Variants in IL21R observed in about 807,000 individuals in gnomAD.
IL21R encodes interleukin-21 receptor.
A neutral mutation model predicts 41.3 loss-of-function variants in IL21R; 14 were observed. That is an observed-to-expected ratio of 0.34 (90% CI 0.22 to 0.53). The LOEUF is 0.53. Among genes scored for constraint, IL21R ranks in the 20% least tolerant of loss-of-function variants. The pLI, the probability that IL21R is intolerant of heterozygous loss-of-function variation, is 0.94. For missense variants in IL21R, 588 were observed against 681.6 expected, an observed-to-expected ratio of 0.86 and a Z score of 1.53; for synonymous variants, 286 against 287.6, an observed-to-expected ratio of 0.99 and a Z score of 0.05.
Position 27,443,024 on chromosome 16 carries a change from C to T in IL21R, c.415C>T (p.Arg139Cys), listed in dbSNP as rs146177564. 740 of 1,613,794 alleles carry T rather than the reference C, an allele frequency of 4.6e-4. 2 individuals carry two copies. The East Asian group carries it at 5.2e-3, about 11-fold the overall frequency. The change falls in exon 5 of 9, where the codon CGC (arginine) becomes TGC (cysteine). Residue 139 changes from arginine to cysteine, a missense_variant. Transcript: ENST00000337929. ...TFSGQYNISWRSDYEDPAFYM... is the reference protein window; with the variant it reads ...TFSGQYNISWCSDYEDPAFYM... ...CTCAGGACAGTATAATATCTCCTGGCGCTCAGATTACGAAGACCCTGCCTT... is the reference window on the plus strand; with the variant it reads ...CTCAGGACAGTATAATATCTCCTGGTGCTCAGATTACGAAGACCCTGCCTT...
At chr16:27,425,250 C>T (rs1017430635) in intron 1 of IL21R, among the ~76,000 whole-genome samples, 1 of 152,172 alleles carries the variant, frequency 6.6e-6, no homozygotes, top group African/African-American at 2.4e-5. Context: ...TGCTGTTGCC[C>T]TCAGGGGTCA....
At chr16:27,408,544 G>C (rs903828228) in intron 1 of IL21R, among the ~76,000 whole-genome samples, 4 of 152,198 alleles carry the variant, frequency 2.6e-5, no homozygotes, top group Non-Finnish European at 5.9e-5. Context: ...ATAGCAGGAA[G>C]GTCAGAGAGG....
intron 1 of IL21R, among the ~76,000 whole-genome samples, chr16:27,422,124 C>T (rs1178375853): frequency 6.6e-6 from 1 of 152,014 alleles, no homozygotes; most frequent in Non-Finnish European, 1.5e-5. Context: ...TGTCTGCTGT[C>T]TTCCATCATT....
chr16:27,414,836 T>A lies in IL21R; in HGVS notation c.-17+12218T>A, dbSNP rs185742467. Among the ~76,000 whole-genome samples the A allele has an allele frequency of 2.8e-4, 42 of 152,324 alleles. 1 individual carries two copies. The highest frequency in any genetic ancestry group is 1.2e-3 in the Admixed American group (18 of 15,300). ...GAAAATTCAAATTATGAAAAAACTA[T>A]GCATAAAGTTCAAACTTTTTTCTGC... On this transcript the variant is annotated intron_variant, in intron 1 of 8. Coordinates refer to ENST00000337929, the MANE Select transcript of IL21R (RefSeq NM_181078.3).
intron 4 of IL21R, among the ~76,000 whole-genome samples, chr16:27,442,201 T>G (rs568403711): frequency 1.3e-5 from 2 of 151,920 alleles, no homozygotes; most frequent in African/African-American, 4.8e-5. Flanking sequence ...TAGGCATGCG[T>G]TTGGGTGTGC....
In IL21R at chr16:27,451,093, A is replaced by T. The variant is rs1385946291; in HGVS notation, c.*1810A>T. On this transcript the variant is annotated 3_prime_UTR_variant, in exon 9 of 9. Coordinates refer to ENST00000337929, the MANE Select transcript of IL21R (RefSeq NM_181078.3). ...GACTTGGATGGGAGCACAAGAGTGG[A>T]AACACAGCTTCTGCACGGAGCAGGC... is the stretch of plus-strand genomic sequence containing the variant. 1 of 233,188 alleles carries T rather than the reference A, an allele frequency of 4.3e-6. No homozygotes were observed. 14.4% of individuals were successfully genotyped at this position (233,188 alleles called of 1,614,324 possible).
intron 1 of IL21R, among the ~76,000 whole-genome samples, chr16:27,420,360 A>C (rs6498026): frequency 0.35 from 53,790 of 152,096 alleles, 9,930 homozygotes; most frequent in South Asian, 0.52. Flanking sequence ...CTGTCATTGA[A>C]TGAAATATCA....
In IL21R at chr16:27,432,040, C is replaced by T. The variant is rs564686659; in HGVS notation, c.49+1920C>T. Among the ~76,000 whole-genome samples, 8 of 152,366 alleles carry T rather than the reference C, an allele frequency of 5.3e-5. No homozygotes were observed. The East Asian group carries it at 7.7e-4, about 15-fold the overall frequency. On this transcript the variant is annotated intron_variant, in intron 2 of 8. Transcript: ENST00000337929. ...GCAAAAAGGGTCTGAATGTTGGGTT[C>T]GTCCAGCCCTCTTATAGCATCAATA...
chr16:27,417,806 A>G (rs923638091), intron 1 of IL21R, among the ~76,000 whole-genome samples: 5 of 152,304 alleles, frequency 3.3e-5, no homozygotes, highest in Admixed American at 1.3e-4. Context: ...ACACCTGTGT[A>G]GGGCACTTAC....
rs188258882 is a variant in IL21R at position 27,446,118 on chromosome 16, C to T, written c.867+30C>T. ...GCTCCCGACCCTGTGATGAGCTCCT[C>T]GGAGCCCCTCCTCCTCTTCAGGAGC... On this transcript the variant is annotated intron_variant, in intron 8 of 8. Transcript: ENST00000337929. The T allele has an allele frequency of 1.7e-4, 266 of 1,585,558 alleles. 1 individual carries two copies. The East Asian group carries it at 4.9e-3, about 29-fold the overall frequency.
chr16:27,440,244 T>G (rs866788037), intron 4 of IL21R, among the ~76,000 whole-genome samples: 6,393 of 82,008 alleles, frequency 0.078, 205 homozygotes, highest in African/African-American at 0.12. Flanking sequence ...TATATATATA[T>G]ATATAGAGAG....
chr16:27,415,929 T>A (rs570082137), intron 1 of IL21R, among the ~76,000 whole-genome samples: 6 of 152,358 alleles, frequency 3.9e-5, no homozygotes, highest in African/African-American at 7.2e-5. Flanking sequence ...GTTTATTTTT[T>A]AATTGTTATC....
At chr16:27,431,097 G>C (rs1045132576) in intron 2 of IL21R, among the ~76,000 whole-genome samples, 3 of 152,210 alleles carry the variant, frequency 2.0e-5, no homozygotes, top group Non-Finnish European at 4.4e-5. Flanking sequence ...GCACAGACTT[G>C]TGTGGAGGCC....
rs572429161 is a variant in IL21R, at chr16:27,446,170, C to T, written c.867+82C>T. 13 of 1,130,208 alleles carry T rather than the reference C, an allele frequency of 1.2e-5. No individual in the cohort carries two copies. In the South Asian group the frequency reaches 1.7e-4, roughly 14 times the overall value. 70.0% of individuals were successfully genotyped at this position (1,130,208 alleles called of 1,614,324 possible). A position where few individuals can be genotyped will look rare whatever the true frequency, so the allele number is the denominator to read the frequency against. On this transcript the variant is annotated intron_variant, in intron 8 of 8. Transcript: ENST00000337929. Reference sequence around the variant, plus strand: ...CCACCTCCCCTCACCCCAGGCTCCCCAGCCTCACCCCACAGGCCTAGAGCA... The same window carrying T: ...CCACCTCCCCTCACCCCAGGCTCCCTAGCCTCACCCCACAGGCCTAGAGCA...
chr16:27,403,021 C>G, intron 1 of IL21R: 1 of 440,272 alleles, frequency 2.3e-6, no homozygotes, highest in Non-Finnish European at 4.6e-6. Flanking sequence ...GTTTCTATGT[C>G]TTACCACCTT....
chr16:27,445,286 G>A lies in IL21R; in HGVS notation c.785+10G>A. On this transcript the variant is annotated intron_variant, in intron 7 of 8. Coordinates refer to ENST00000337929, the MANE Select transcript of IL21R (RefSeq NM_181078.3). ...CCCATCCATTGTGGAGGTGAGGCCA[G>A]GGGATGAGGAAGGCAGGGAGGTGGT... The A allele has an allele frequency of 1.3e-6, 2 of 1,597,750 alleles. No individual in the cohort carries two copies. The highest frequency in any genetic ancestry group is 1.7e-6 in the Non-Finnish European group (2 of 1,165,328).
Position 27,430,132 on chromosome 16 carries a change from C to A in IL21R, c.49+12C>A. On this transcript the variant is annotated intron_variant, in intron 2 of 8. Transcript: ENST00000337929. ...GCTGCTCCAGGGAGGTAAGTGGCTG[C>A]CCCGTGGTCTGCGGGTGGGGAGGGC... 1.2e-6 allele frequency: 2 copies of A among 1,601,484 alleles called. No homozygotes were observed. The highest frequency in any genetic ancestry group is 1.7e-6 in the Non-Finnish European group (2 of 1,179,232).
At chr16:27,443,777 G>A (rs544394711) in intron 5 of IL21R, among the ~76,000 whole-genome samples, 3 of 139,200 alleles carry the variant, frequency 2.2e-5, no homozygotes, top group Non-Finnish European at 3.1e-5. Context: ...AGTGAGACTC[G>A]ATCTCAAAAA....
chr16:27,414,164 T>C (rs1221827738), intron 1 of IL21R, among the ~76,000 whole-genome samples: 1 of 29,170 alleles, frequency 3.4e-5, no homozygotes, highest in East Asian at 7.0e-3. Context: ...TAGCTATGTA[T>C]AGTGTGTGTG....
Sources: allele counts gnomAD v4.1 joint callset (sites outside exome capture counted in the v4.1 genomes callset), GRCh38; gene constraint gnomAD v4.1.1; transcripts MANE v1.5; gene names NCBI Gene and HGNC (gene_info 2026-07-23, HGNC 2026-07-21).